Variants in CELF2 observed in about 807,000 individuals in gnomAD.
CELF2 encodes the protein CUG triplet repeat RNA-binding protein 2.
In CELF2, 8 loss-of-function variants were observed where a neutral mutation model predicts 62.6. That is an observed-to-expected ratio of 0.13 (90% CI 0.07 to 0.23). The LOEUF (loss-of-function observed/expected upper bound fraction) is 0.23. Among genes scored for constraint, CELF2 ranks in the 10% least tolerant of loss-of-function variants. The pLI is 1.00. For missense variants in CELF2, 333 were observed against 671.0 expected (o/e 0.50, Z 5.56); for synonymous variants, 258 against 250.0 (o/e 1.03, Z -0.30).
chr10:11,213,346 G>A (rs939454198), intron 2 of CELF2, among the ~76,000 whole-genome samples: 1 of 152,232 alleles, frequency 6.6e-6, no homozygotes, highest in Admixed American at 6.5e-5. Context: ...AGCTGACCTG[G>A]AGAGGAATCC....
rs2056558727 is a variant in CELF2, at chr10:11,012,100, A to T, written c.53+6660A>T. ...TTAAGAAGAAAGGTCTAGCTGATGA[A>T]TCAGAAAATTAAATGACTCATTCCC... On this transcript the variant is annotated intron_variant, in intron 1 of 12. Transcript: ENST00000416382. The surrounding 1 kb of genome is among the most constrained non-coding windows in gnomAD (Gnocchi z 5.5). 6.6e-6 allele frequency among the ~76,000 whole-genome samples: 1 copy of T among 152,142 alleles called. No homozygotes were observed. The highest frequency in any genetic ancestry group is 2.4e-5 in the African/African-American group (1 of 41,454).
intron 1 of CELF2, among the ~76,000 whole-genome samples, chr10:10,810,497 T>C (rs1288351830): frequency 6.6e-6 from 1 of 152,026 alleles, no homozygotes; most frequent in Non-Finnish European, 1.5e-5. Flanking sequence ...CATCCCCCAA[T>C]GGGGGCAGCT....
At chr10:10,585,100 A>G in the CELF2 span, among the ~76,000 whole-genome samples, 1 of 152,154 alleles carries the variant, frequency 6.6e-6, no homozygotes, top group Admixed American at 6.6e-5. Context: ...GAGGTTTTGA[A>G]ACCCTTTGAG....
chr10:10,513,375 C>T, the CELF2 span, among the ~76,000 whole-genome samples: 1 of 152,148 alleles, frequency 6.6e-6, no homozygotes, highest in African/African-American at 2.4e-5. Context: ...ATATGATCAG[C>T]TTACTAGGAT....
the CELF2 span, among the ~76,000 whole-genome samples, chr10:10,560,390 A>T: frequency 5.6e-4 from 85 of 152,332 alleles, no homozygotes; most frequent in Non-Finnish European, 1.2e-3. Flanking sequence ...CTAACGGATT[A>T]CCAACCATCT....
chr10:10,893,527 C>T lies in CELF2; in HGVS notation c.54-26437C>T, dbSNP rs184210419. 1.4e-3 allele frequency among the ~76,000 whole-genome samples: 216 copies of T among 152,296 alleles called. 1 individual carries two copies. The highest frequency in any genetic ancestry group is 5.6e-3 in the East Asian group (29 of 5,178). On this transcript the variant is annotated intron_variant, in intron 1 of 13. Coordinates refer to the CELF2 transcript ENST00000636488. ...CTGTACAGGGTCCCCAGAGCAAACC[C>T]AGTCTAGGAAGGTGTATTCATCCAT...
chr10:10,795,136 G>A (rs2054064592), upstream of CELF2, among the ~76,000 whole-genome samples: 2 of 152,086 alleles, frequency 1.3e-5, no homozygotes, highest in Admixed American at 1.3e-4. Flanking sequence ...CAAAGGAAGG[G>A]GGAGGGAGAT....
chr10:10,809,417 CT>C (rs2055605308), intron 1 of CELF2, among the ~76,000 whole-genome samples: 2 of 152,198 alleles, frequency 1.3e-5, no homozygotes, highest in Non-Finnish European at 2.9e-5. Flanking sequence ...ACATAATATT[CT>C]TTTCCTTAAA....
chr10:11,226,244 CAAAG>C (rs1485369273), intron 3 of CELF2, among the ~76,000 whole-genome samples: 2 of 152,220 alleles, frequency 1.3e-5, no homozygotes, highest in Non-Finnish European at 2.9e-5. Flanking sequence ...AGCTGAAACT[CAAAG>C]AAGATGAGTA....
At chr10:10,552,781 A>G in the CELF2 span, among the ~76,000 whole-genome samples, 2 of 152,132 alleles carry the variant, frequency 1.3e-5, no homozygotes, top group African/African-American at 4.8e-5. Flanking sequence ...TCATTTACTG[A>G]GTGTCTTCTA....
At chr10:11,150,260 CT>C (rs35410847) in intron 1 of CELF2, among the ~76,000 whole-genome samples, 2,260 of 152,256 alleles carry the variant, frequency 0.015, 70 homozygotes, top group African/African-American at 0.052. Context: ...AGGTATCACG[CT>C]TTTTGTGGTT....
Position 11,080,014 on chromosome 10 carries a change from G to C in CELF2, c.74+61851G>C, listed in dbSNP as rs908670941. 1.4e-4 allele frequency among the ~76,000 whole-genome samples: 21 copies of C among 152,108 alleles called. 1 individual carries two copies. The highest frequency in any genetic ancestry group is 1.2e-4 in the African/African-American group (5 of 41,418). On this transcript the variant is annotated intron_variant, in intron 1 of 12. Transcript: ENST00000633077. ...TCCAGATTATAAACTGTTGTGAATT[G>C]CTCTCCGGTTTATAAATGTTTTAGC...
At chr10:10,777,752 G>A in the CELF2 span, among the ~76,000 whole-genome samples, 5 of 152,266 alleles carry the variant, frequency 3.3e-5, no homozygotes, top group East Asian at 5.8e-4. Context: ...TTGCCTTGAG[G>A]ATGAACCGAA....
intron 1 of CELF2, among the ~76,000 whole-genome samples, chr10:11,108,839 C>T (rs768662483): frequency 2.0e-5 from 3 of 152,270 alleles, no homozygotes; most frequent in East Asian, 1.9e-4. Context: ...GATCCATTTC[C>T]CTTCTCTCAA....
chr10:10,668,760 C>T, the CELF2 span, among the ~76,000 whole-genome samples: 1 of 152,072 alleles, frequency 6.6e-6, no homozygotes, highest in Non-Finnish European at 1.5e-5. Flanking sequence ...GAGTTTGAGA[C>T]CAGCCTAGCC....
At position 10,948,628 on chromosome 10, in the gene CELF2, GC is replaced by G. The variant is rs542164466; in HGVS notation, c.89+28635del. Among the ~76,000 whole-genome samples the G allele has an allele frequency of 3.9e-5, 6 of 152,242 alleles. No homozygotes were observed. The South Asian group carries it at 1.2e-3, about 32-fold the overall frequency. On this transcript the variant is annotated intron_variant, in intron 2 of 13. Transcript: ENST00000636488. The stretch of plus-strand genomic sequence containing the variant: ...GTTCAGGAAGCCAAGGCTACATGAA[GC>G]CCCCCTAGGCTGGGAGGGCTGCCTC...
chr10:10,630,160 A>G, the CELF2 span, among the ~76,000 whole-genome samples: 4 of 152,296 alleles, frequency 2.6e-5, no homozygotes, highest in South Asian at 8.3e-4. Context: ...ACACAGACCT[A>G]TGATTTTAAT....
rs1315840571 is a variant in CELF2 at position 11,260,712 on chromosome 10, C to CA, written c.538+2847dup. 3.3e-5 allele frequency among the ~76,000 whole-genome samples: 5 copies of CA among 149,270 alleles called. No homozygotes were observed. Among genetic ancestry groups the CA allele is most frequent in the Non-Finnish European group, 7.4e-5 (5 of 67,540 alleles). On this transcript the variant is annotated intron_variant, in intron 5 of 12. Transcript: ENST00000633077. The surrounding 1 kb of genome is among the most constrained non-coding windows in gnomAD (Gnocchi z 4.2). ...GTGAACTGATGAGAATTCCCTGTTG[C>CA]AAAAAAAGAAAAATAAGAAAGAAAG...
At chr10:10,577,364 T>TTTATTA in the CELF2 span, among the ~76,000 whole-genome samples, 6,474 of 141,364 alleles carry the variant, frequency 0.046, 295 homozygotes, top group African/African-American at 0.13. Context: ...AACAAATCTT[T>TTTATTA]TTATTATTAT....
Sources: allele counts gnomAD v4.1 joint callset (sites outside exome capture counted in the v4.1 genomes callset), GRCh38; gene constraint gnomAD v4.1.1; non-coding constraint Gnocchi (gnomAD v3.1); transcripts MANE v1.5; gene names NCBI Gene and HGNC (gene_info 2026-07-23, HGNC 2026-07-21).